Variants in SH3PXD2B observed in about 807,000 individuals in gnomAD.
SH3PXD2B encodes the protein SH3 and PX domains 2B.
Under a neutral mutation model 73.1 loss-of-function variants are expected in SH3PXD2B, and 37 were observed. The ratio of observed to expected loss-of-function variants is 0.51; its 90% confidence interval spans 0.39 to 0.67. The LOEUF (loss-of-function observed/expected upper bound fraction) is 0.67. Among genes scored for constraint, SH3PXD2B ranks in the 30% least tolerant of loss-of-function variants. SH3PXD2B has a pLI of 0.00. For synonymous variants in SH3PXD2B, 457 were observed against 480.5 expected, an observed-to-expected ratio of 0.95 and a Z score of 0.64; for missense variants, 1,053 against 1,197.8, an observed-to-expected ratio of 0.88 and a Z score of 1.78.
chr5:172,349,195 G>A (rs904219851), intron 10 of SH3PXD2B, among the ~76,000 whole-genome samples: 1 of 152,242 alleles, frequency 6.6e-6, no homozygotes, highest in East Asian at 1.9e-4. Context: ...CAGGGCAGCT[G>A]AGCAAAGTAC....
chr5:172,348,355 G>A (rs995625630), intron 10 of SH3PXD2B, among the ~76,000 whole-genome samples: 7 of 151,646 alleles, frequency 4.6e-5, no homozygotes, highest in East Asian at 1.9e-4. Context: ...ATGGAGTTTC[G>A]CTCTTGTCAC....
chr5:172,367,048 C>T (rs1276997448), intron 6 of SH3PXD2B, among the ~76,000 whole-genome samples: 6 of 147,328 alleles, frequency 4.1e-5, no homozygotes, highest in South Asian at 2.2e-4. Context: ...GCGATTCTCT[C>T]GCCTCAGCCT....
rs192451802 is a variant in SH3PXD2B, at chr5:172,446,635, G to A, written c.75+7643C>T. Reference sequence around the variant, plus strand: ...CAGTGTGATAACTGGGCTGCTTGCCGACTTGCCTGCACCTCCGGTGGGAGG... The same window carrying A: ...CAGTGTGATAACTGGGCTGCTTGCCAACTTGCCTGCACCTCCGGTGGGAGG... On this transcript the variant is annotated intron_variant, in intron 1 of 12. Transcript: ENST00000311601. Among the ~76,000 whole-genome samples the A allele has an allele frequency of 8.5e-3, 1,295 of 152,302 alleles. 13 individuals carry two copies. Among genetic ancestry groups the A allele is most frequent in the South Asian group, 0.026 (125 of 4,826 alleles).
In SH3PXD2B at chr5:172,335,199, A is replaced by G; in HGVS notation, c.*3170T>C. ...GTCCGTTTGCCCTGGGATGTAAGGT[A>G]AAGTAGTTGTCACAATTGTGTTAAT... On this transcript the variant is annotated 3_prime_UTR_variant, in exon 13 of 13. Transcript: ENST00000311601. 9.9e-7 allele frequency: 1 copy of G among 1,006,500 alleles called. No homozygotes were observed. Among genetic ancestry groups the G allele is most frequent in the African/African-American group, 1.7e-5 (1 of 58,192 alleles). 62.3% of individuals were successfully genotyped at this position (1,006,500 alleles called of 1,614,324 possible).
intron 1 of SH3PXD2B, among the ~76,000 whole-genome samples, chr5:172,444,221 A>C (rs971567237): frequency 2.7e-4 from 41 of 152,166 alleles, no homozygotes; most frequent in African/African-American, 9.9e-4. Flanking sequence ...TGAGTGGCTA[A>C]AAGGTCTGAA....
chr5:172,415,006 C>T (rs1242137120), intron 2 of SH3PXD2B, among the ~76,000 whole-genome samples: 11 of 152,300 alleles, frequency 7.2e-5, no homozygotes, highest in Middle Eastern at 3.4e-3. Context: ...TGTCTGAGCT[C>T]CCTGGCTAGG....
Position 172,334,116 on chromosome 5 carries a change from C to G in SH3PXD2B, c.*4253G>C. The G allele has an allele frequency of 9.0e-7, 1 of 1,113,868 alleles. No homozygotes were observed. The highest frequency in any genetic ancestry group is 2.1e-5 in the South Asian group (1 of 47,326). 69.0% of individuals were successfully genotyped at this position (1,113,868 alleles called of 1,614,324 possible). A position where few individuals can be genotyped will look rare whatever the true frequency, so the allele number is the denominator to read the frequency against. ...CCCTGATTGGAGCTAAGAAGGCTTA[C>G]TTTGGAGTCGAGGATAGAAACGGGA... On this transcript the variant is annotated 3_prime_UTR_variant, in exon 13 of 13. Coordinates refer to ENST00000311601, the MANE Select transcript of SH3PXD2B (RefSeq NM_001017995.3).
At chr5:172,423,907 T>C (rs1759034595) in intron 1 of SH3PXD2B, among the ~76,000 whole-genome samples, 1 of 151,924 alleles carries the variant, frequency 6.6e-6, no homozygotes, top group East Asian at 1.9e-4. Flanking sequence ...CCTCCCAAAG[T>C]GTTGGGATTA....
intron 5 of SH3PXD2B, among the ~76,000 whole-genome samples, chr5:172,378,788 A>G (rs1757876142): frequency 6.6e-6 from 1 of 152,206 alleles, no homozygotes. Flanking sequence ...TGGCTCCTAT[A>G]GGCCGGGCAT....
downstream of SH3PXD2B, among the ~76,000 whole-genome samples, chr5:172,328,898 G>A (rs1756494785): frequency 6.6e-6 from 1 of 151,802 alleles, no homozygotes; most frequent in Non-Finnish European, 1.5e-5. Context: ...ACATGGAAGG[G>A]AACAAACCAA....
chr5:172,352,031 A>C lies in SH3PXD2B; in HGVS notation c.786-1442T>G, dbSNP rs1757167913. On this transcript the variant is annotated intron_variant, in intron 9 of 12. Transcript: ENST00000311601. ...GGAATGGGCTGAAATCCTGACTGTC[A>C]CTTTCTAGCATCAGTCAGATCTTGA... 2.0e-5 allele frequency among the ~76,000 whole-genome samples: 3 copies of C among 152,136 alleles called. No individual in the cohort carries two copies. The South Asian group carries it at 6.2e-4, about 32-fold the overall frequency.
At chr5:172,436,170 C>T (rs971038390) in intron 1 of SH3PXD2B, among the ~76,000 whole-genome samples, 3 of 152,214 alleles carry the variant, frequency 2.0e-5, no homozygotes, top group Non-Finnish European at 2.9e-5. Context: ...GAGACTTGCC[C>T]AGAGAGCTTT....
chr5:172,452,559 G>A (rs1581351455), intron 1 of SH3PXD2B, among the ~76,000 whole-genome samples: 1 of 152,160 alleles, frequency 6.6e-6, no homozygotes, highest in Non-Finnish European at 1.5e-5. Flanking sequence ...CTGAGCCCTG[G>A]TTTCCTCATC....
downstream of SH3PXD2B, among the ~76,000 whole-genome samples, chr5:172,332,975 A>C (rs1361533927): frequency 2.8e-5 from 4 of 141,680 alleles, no homozygotes; most frequent in Non-Finnish European, 6.0e-5. Flanking sequence ...TCACTCTGTC[A>C]CCCAGGCTGG....
chr5:172,452,252 T>C (rs574306531), intron 1 of SH3PXD2B, among the ~76,000 whole-genome samples: 1 of 152,146 alleles, frequency 6.6e-6, no homozygotes, highest in African/African-American at 2.4e-5. Context: ...TGTTTTAACA[T>C]AGAAACTTGT....
At chr5:172,332,217 T>C (rs1275730242), downstream of SH3PXD2B, among the ~76,000 whole-genome samples, 1 of 151,158 alleles carries the variant, frequency 6.6e-6, no homozygotes, top group Non-Finnish European at 1.5e-5. Context: ...GTGAACCTGC[T>C]CCTATGGGGG....
chr5:172,441,295 G>T (rs748656766), intron 1 of SH3PXD2B, among the ~76,000 whole-genome samples: 10 of 152,178 alleles, frequency 6.6e-5, no homozygotes, highest in Non-Finnish European at 1.5e-4. Context: ...ACAAAGCCAG[G>T]GTTTGTACTC....
chr5:172,362,997 G>A (rs1360696866), intron 6 of SH3PXD2B, 128 bp from the exon 7 acceptor site: 14 of 1,240,970 alleles, frequency 1.1e-5, no homozygotes, highest in Middle Eastern at 2.6e-4. Flanking sequence ...TCATCTCAAG[G>A]GTGACTTCAT....
rs879033073 is a variant in SH3PXD2B at position 172,335,853 on chromosome 5, A to G, written c.*2516T>C. On this transcript the variant is annotated 3_prime_UTR_variant, in exon 13 of 13. Transcript: ENST00000311601. ...CAGACGTCCTCAGGCCATAGATATG[A>G]CTCAAGGAGAGAACAGTGAACAGAG... 1 of 1,226,412 alleles carries G rather than the reference A, an allele frequency of 8.2e-7. No individual in the cohort carries two copies. The highest frequency in any genetic ancestry group is 4.3e-5 in the South Asian group (1 of 23,428). 76.0% of individuals were successfully genotyped at this position (1,226,412 alleles called of 1,614,324 possible).
Sources: gnomAD v4.1 joint callset for allele counts (sites outside exome capture counted in the v4.1 genomes callset) on GRCh38, gnomAD v4.1.1 for gene constraint, MANE v1.5 for transcripts, NCBI Gene and HGNC (gene_info 2026-07-23, HGNC 2026-07-21) for gene names.